L3MBTL4: variants seen among roughly 807,000 people sequenced by gnomAD.
L3MBTL4 encodes L3MBTL histone methyl-lysine binding protein 4.
Under a neutral mutation model 84.5 loss-of-function variants are expected in L3MBTL4, and 70 were observed. That is an observed-to-expected ratio of 0.83 (90% CI 0.68 to 1.01). The LOEUF (loss-of-function observed/expected upper bound fraction) is 1.01, where lower values mean the gene tolerates loss of function less well. Ranked by LOEUF, L3MBTL4 falls within the 50% of genes least tolerant of loss-of-function variation. The probability of loss-of-function intolerance (pLI) is 0.00; values close to 1 mark genes in which losing one functional copy is unlikely to be tolerated. For synonymous variants in L3MBTL4, 274 were observed against 259.8 expected, an observed-to-expected ratio of 1.05 and a Z score of -0.52; for missense variants, 715 against 754.8, an observed-to-expected ratio of 0.95 and a Z score of 0.62.
chr18:6,183,670 T>A (rs1189515545), intron 12 of L3MBTL4, among the ~76,000 whole-genome samples: 1 of 152,198 alleles, frequency 6.6e-6, no homozygotes, highest in Admixed American at 6.5e-5. Flanking sequence ...GTGAAGAATG[T>A]CAAACTAAGA....
At chr18:6,042,620 C>T (rs1353062226) in intron 16 of L3MBTL4, among the ~76,000 whole-genome samples, 1 of 152,158 alleles carries the variant, frequency 6.6e-6, no homozygotes, top group Non-Finnish European at 1.5e-5. Flanking sequence ...CCTCTTTTTC[C>T]TCTAGCTTTT....
At chr18:6,345,911 T>C (rs1467067540) in intron 1 of L3MBTL4, among the ~76,000 whole-genome samples, 1 of 151,932 alleles carries the variant, frequency 6.6e-6, no homozygotes, top group African/African-American at 2.4e-5. Flanking sequence ...TCACAATTCC[T>C]ATTTCAAATT....
At chr18:6,322,047 TA>T (rs2051431497) in intron 1 of L3MBTL4, among the ~76,000 whole-genome samples, 1 of 151,486 alleles carries the variant, frequency 6.6e-6, no homozygotes, top group African/African-American at 2.5e-5. Context: ...GTAATAAAAA[TA>T]TTTTTTTATA....
chr18:6,086,185 A>C (rs573642009), intron 15 of L3MBTL4, among the ~76,000 whole-genome samples: 5 of 152,282 alleles, frequency 3.3e-5, no homozygotes, highest in African/African-American at 1.2e-4. Flanking sequence ...ATTATTTTCA[A>C]ACCAGGTTAA....
At chr18:6,089,697 G>C (rs532764720) in intron 15 of L3MBTL4, among the ~76,000 whole-genome samples, 16 of 152,300 alleles carry the variant, frequency 1.1e-4, no homozygotes, top group Non-Finnish European at 2.1e-4. Flanking sequence ...ATACAGGGTT[G>C]TTGGGAGGAT....
rs2046302262 is a variant in L3MBTL4, at chr18:6,215,834, A to T, written c.786T>A (p.Gly262=). 3 of 1,537,852 alleles carry T rather than the reference A, an allele frequency of 2.0e-6. No individual in the cohort carries two copies. The South Asian group carries it at 3.5e-5, about 18-fold the overall frequency. ...AGGAAAAATTTTCTGGATTGGGATA[A>T]CCTGAAAATATATATATATAAATAG... ...ENGRTLIAPQ[G]YPNPENFSWT... Residue 262 remains glycine, a splice_region_variant and synonymous_variant, in exon 11 of 19, where the codon GGT becomes GGA. Coordinates refer to ENST00000317931, the MANE Select transcript of L3MBTL4 (RefSeq NM_001330559.2).
chr18:6,361,857 T>C (rs544831480), intron 1 of L3MBTL4, among the ~76,000 whole-genome samples: 1 of 152,184 alleles, frequency 6.6e-6, no homozygotes, highest in East Asian at 1.9e-4. Flanking sequence ...TGGGCGTGGT[T>C]GCAGTCCCAG....
chr18:6,147,047 G>A (rs1346235066), intron 13 of L3MBTL4, among the ~76,000 whole-genome samples: 2 of 152,054 alleles, frequency 1.3e-5, no homozygotes, highest in East Asian at 3.9e-4. Context: ...GTGGAGCAAG[G>A]TATGAAATGT....
At chr18:6,319,290 G>A (rs2051281243) in intron 1 of L3MBTL4, among the ~76,000 whole-genome samples, 1 of 151,314 alleles carries the variant, frequency 6.6e-6, no homozygotes, top group Non-Finnish European at 1.5e-5. Context: ...AAGTGAAATA[G>A]AAACAACAAC....
intron 16 of L3MBTL4, among the ~76,000 whole-genome samples, chr18:5,990,770 G>GGT (rs34551806): frequency 0.13 from 18,651 of 142,102 alleles, 1,427 homozygotes; most frequent in African/African-American, 0.25. Flanking sequence ...GGTTCATGTG[G>GGT]GTGTGTGTGT....
chr18:5,960,971 A>G (rs1053726280), intron 17 of L3MBTL4, among the ~76,000 whole-genome samples: 4 of 152,222 alleles, frequency 2.6e-5, no homozygotes, highest in Non-Finnish European at 5.9e-5. Flanking sequence ...AACAGCAGAA[A>G]TGACAACTGA....
rs79127191 is a variant in L3MBTL4, at chr18:6,037,425, A to G, written c.1444+43456T>C. On this transcript the variant is annotated intron_variant, in intron 16 of 18. Transcript: ENST00000317931. Reference sequence around the variant, plus strand: ...ACAATTGCATCAGACAGATTCTGCCAGTGCAGTTATTGTCTACAAAGGGAG... The same window carrying G: ...ACAATTGCATCAGACAGATTCTGCCGGTGCAGTTATTGTCTACAAAGGGAG... 5.9e-3 allele frequency among the ~76,000 whole-genome samples: 896 copies of G among 152,358 alleles called. 13 individuals are homozygous for G. The highest frequency in any genetic ancestry group is 0.02 in the African/African-American group (827 of 41,584).
chr18:6,151,730 T>C (rs2042905929), intron 13 of L3MBTL4, among the ~76,000 whole-genome samples: 1 of 152,178 alleles, frequency 6.6e-6, no homozygotes, highest in African/African-American at 2.4e-5. Context: ...AGATAATATA[T>C]ATTCAAGATG....
intron 16 of L3MBTL4, among the ~76,000 whole-genome samples, chr18:6,036,684 T>C (rs1215067207): frequency 6.6e-6 from 1 of 152,196 alleles, no homozygotes; most frequent in Non-Finnish European, 1.5e-5. Context: ...AGTTTTGTGA[T>C]TACTTATTGA....
intron 10 of L3MBTL4, among the ~76,000 whole-genome samples, chr18:6,221,280 A>G (rs1049660596): frequency 6.6e-6 from 1 of 152,234 alleles, no homozygotes; most frequent in Non-Finnish European, 1.5e-5. Flanking sequence ...CTGGTGGCCA[A>G]TTCAGGAAAC....
At chr18:6,021,861 C>T (rs2055286146) in intron 16 of L3MBTL4, among the ~76,000 whole-genome samples, 1 of 152,146 alleles carries the variant, frequency 6.6e-6, no homozygotes, top group Non-Finnish European at 1.5e-5. Context: ...AGGCATTACA[C>T]ACACTCTCTA....
intron 14 of L3MBTL4, among the ~76,000 whole-genome samples, chr18:6,112,713 T>C (rs2059232012): frequency 6.6e-6 from 1 of 152,202 alleles, no homozygotes; most frequent in South Asian, 2.1e-4. Flanking sequence ...ATTTAAAATA[T>C]GGCAGGTATA....
chr18:6,152,787 T>C (rs2042951776), intron 13 of L3MBTL4, among the ~76,000 whole-genome samples: 1 of 152,176 alleles, frequency 6.6e-6, no homozygotes, highest in Non-Finnish European at 1.5e-5. Context: ...TTTGTTGTCA[T>C]ATTTAAAAAC....
chr18:6,184,974 C>A (rs1290677826), intron 12 of L3MBTL4, among the ~76,000 whole-genome samples: 1 of 152,136 alleles, frequency 6.6e-6, no homozygotes, highest in Non-Finnish European at 1.5e-5. Flanking sequence ...ACTTGGGCAA[C>A]CTAGTTAATG....
Sources: allele counts gnomAD v4.1 joint callset (sites outside exome capture counted in the v4.1 genomes callset), GRCh38; gene constraint gnomAD v4.1.1; transcripts MANE v1.5; gene names NCBI Gene and HGNC (gene_info 2026-07-23, HGNC 2026-07-21).